Variants in PMFBP1 observed in about 807,000 individuals in gnomAD.
The protein encoded by PMFBP1 is polyamine modulated factor 1 binding protein 1, also known as polyamine-modulated factor 1-binding protein 1.
Under a neutral mutation model 137.8 loss-of-function variants are expected in PMFBP1, and 131 were observed. The ratio of observed to expected loss-of-function variants is 0.95; its 90% confidence interval spans 0.82 to 1.10. The LOEUF (loss-of-function observed/expected upper bound fraction) is 1.10. PMFBP1 is among the 50% of genes least tolerant of loss of function. The pLI, the probability that PMFBP1 is intolerant of heterozygous loss-of-function variation, is 0.00. For missense variants in PMFBP1, 1,199 were observed against 1,175.4 expected, an observed-to-expected ratio of 1.02 and a Z score of -0.29; for synonymous variants, 490 against 450.4, an observed-to-expected ratio of 1.09 and a Z score of -1.11.
chr16:72,235,952 C>G, the PMFBP1 span, among the ~76,000 whole-genome samples: 1 of 152,058 alleles, frequency 6.6e-6, no homozygotes, highest in African/African-American at 2.4e-5. Context: ...GTGAGTATCC[C>G]TTCTTCCTTT....
chr16:72,220,458 A>C, the PMFBP1 span, among the ~76,000 whole-genome samples: 5,504 of 152,314 alleles, frequency 0.036, 321 homozygotes, highest in African/African-American at 0.13. Flanking sequence ...GCCCATGAAT[A>C]GGAAAAAAAT....
chr16:72,152,632 G>T (rs1296177480), intron 4 of PMFBP1, among the ~76,000 whole-genome samples: 1 of 152,028 alleles, frequency 6.6e-6, no homozygotes, highest in African/African-American at 2.4e-5. Context: ...ATCACCCGAG[G>T]TCAGGAGTTC....
intron 3 of PMFBP1, among the ~76,000 whole-genome samples, chr16:72,161,393 C>T (rs1004020114): frequency 1.3e-5 from 2 of 152,002 alleles, no homozygotes; most frequent in East Asian, 1.9e-4. Flanking sequence ...CCACCGCGCC[C>T]GGCCTTATCT....
At chr16:72,210,573 A>AC in the PMFBP1 span, among the ~76,000 whole-genome samples, 5,599 of 151,490 alleles carry the variant, frequency 0.037, 332 homozygotes, top group African/African-American at 0.13. Context: ...TGAGCAAGGA[A>AC]CCCCCTCCTG....
At chr16:72,244,698 G>A in the PMFBP1 span, among the ~76,000 whole-genome samples, 17 of 152,188 alleles carry the variant, frequency 1.1e-4, no homozygotes, top group Non-Finnish European at 2.1e-4. Flanking sequence ...CTACTGGTAT[G>A]GGGACCAACA....
At chr16:72,249,220 G>C in the PMFBP1 span, among the ~76,000 whole-genome samples, 1 of 152,092 alleles carries the variant, frequency 6.6e-6, no homozygotes, top group Non-Finnish European at 1.5e-5. Context: ...TTCCAGCTGA[G>C]CTTTTGTTTT....
intron 5 of PMFBP1, among the ~76,000 whole-genome samples, chr16:72,143,995 T>A (rs1272390589): frequency 2.6e-5 from 4 of 151,964 alleles, no homozygotes; most frequent in African/African-American, 4.8e-5. Flanking sequence ...GAGCCGAGAT[T>A]GCACCATTGC....
chr16:72,128,610 T>G, intron 14 of PMFBP1, 47 bp downstream of exon 14: 1 of 1,613,782 alleles, frequency 6.2e-7, no homozygotes. Flanking sequence ...AGGTCAAGGG[T>G]CACAGGGTTC....
chr16:72,207,420 A>G, the PMFBP1 span, among the ~76,000 whole-genome samples: 2 of 152,154 alleles, frequency 1.3e-5, no homozygotes, highest in Admixed American at 1.3e-4. Flanking sequence ...CAATATTCAG[A>G]CCCACTGAAT....
At chr16:72,133,824 G>T (rs1478336247) in intron 9 of PMFBP1, among the ~76,000 whole-genome samples, 1 of 152,152 alleles carries the variant, frequency 6.6e-6, no homozygotes, top group Non-Finnish European at 1.5e-5. Flanking sequence ...TCCTGGGTAA[G>T]GTCTCAGGAG....
At chr16:72,205,099 T>C in the PMFBP1 span, among the ~76,000 whole-genome samples, 2 of 152,174 alleles carry the variant, frequency 1.3e-5, no homozygotes, top group African/African-American at 4.8e-5. Flanking sequence ...GTGTCTAGGC[T>C]GTGACTCTGA....
chr16:72,186,836 G>A, the PMFBP1 span, among the ~76,000 whole-genome samples: 2 of 151,962 alleles, frequency 1.3e-5, no homozygotes, highest in Non-Finnish European at 2.9e-5. Flanking sequence ...AAACAGGCTG[G>A]GCGAGGTGGC....
At chr16:72,168,124 C>T (rs2043171494) in intron 2 of PMFBP1, among the ~76,000 whole-genome samples, 1 of 152,218 alleles carries the variant, frequency 6.6e-6, no homozygotes, top group South Asian at 2.1e-4. Flanking sequence ...AATAAATCAT[C>T]TTTCTTTGAA....
At chr16:72,205,252 C>T in the PMFBP1 span, among the ~76,000 whole-genome samples, 1 of 152,276 alleles carries the variant, frequency 6.6e-6, no homozygotes, top group African/African-American at 2.4e-5. Flanking sequence ...GCTTCTTGCA[C>T]TCCAAAGCGC....
the PMFBP1 span, among the ~76,000 whole-genome samples, chr16:72,218,186 C>A: frequency 6.6e-6 from 1 of 152,140 alleles, no homozygotes; most frequent in African/African-American, 2.4e-5. Context: ...ACAATACTTA[C>A]ACTAAGCACA....
chr16:72,147,658 G>T (rs939440951), intron 5 of PMFBP1, among the ~76,000 whole-genome samples: 2 of 151,884 alleles, frequency 1.3e-5, no homozygotes, highest in African/African-American at 4.8e-5. Context: ...AATCTACAAA[G>T]AACTTAAACA....
chr16:72,177,468 C>T (rs2043262974), upstream of PMFBP1, among the ~76,000 whole-genome samples: 1 of 152,134 alleles, frequency 6.6e-6, no homozygotes, highest in African/African-American at 2.4e-5. Context: ...TTTGTCTCTC[C>T]CCAAAGGTAG....
intron 6 of PMFBP1, 22 bp downstream of exon 6, chr16:72,140,390 T>C: frequency 6.3e-7 from 1 of 1,594,674 alleles, no homozygotes; most frequent in Non-Finnish European, 8.6e-7. Flanking sequence ...CCCAGAGACA[T>C]GTTCTAGAAG....
intron 8 of PMFBP1, 28 bp downstream of exon 8, chr16:72,136,665 C>G (rs905263485): frequency 1.2e-6 from 2 of 1,613,980 alleles, no homozygotes; most frequent in African/African-American, 1.3e-5. Context: ...TTCTGGCTCC[C>G]CTGCCACAGC....
Sources: gnomAD v4.1 joint callset for allele counts (sites outside exome capture counted in the v4.1 genomes callset) on GRCh38, gnomAD v4.1.1 for gene constraint, MANE v1.5 for transcripts, NCBI Gene and HGNC (gene_info 2026-07-23, HGNC 2026-07-21) for gene names.